Variants in ST6GALNAC3 observed in about 807,000 individuals in gnomAD.
ST6GALNAC3 encodes the protein ST6 N-acetylgalactosaminide alpha-2,6-sialyltransferase 3, also known as alpha-N-acetylgalactosaminide alpha-2,6-sialyltransferase 3.
In ST6GALNAC3, 25 loss-of-function variants were observed where a neutral mutation model predicts 32.7. The observed-to-expected ratio is 0.76, with a 90% CI of 0.56 to 1.07. The LOEUF (loss-of-function observed/expected upper bound fraction) is 1.07, where lower values mean the gene tolerates loss of function less well. ST6GALNAC3 is among the 50% of genes least tolerant of loss of function. The pLI is 0.00. For missense variants in ST6GALNAC3, 355 were observed against 382.4 expected (o/e 0.93, Z 0.60); for synonymous variants, 129 against 133.1 (o/e 0.97, Z 0.21).
At chr1:76,206,949 C>T (rs2100558772) in intron 1 of ST6GALNAC3, among the ~76,000 whole-genome samples, 1 of 152,220 alleles carries the variant, frequency 6.6e-6, no homozygotes, top group South Asian at 2.1e-4. Flanking sequence ...GTGTTTCCTT[C>T]CCTTGAGGAC....
chr1:76,406,316 A>G (rs1653829969), intron 2 of ST6GALNAC3, among the ~76,000 whole-genome samples: 1 of 151,972 alleles, frequency 6.6e-6, no homozygotes, highest in Non-Finnish European at 1.5e-5. Context: ...AGTCCTGGAG[A>G]CCAGTTTAGA....
At chr1:76,247,653 A>G (rs543409611) in intron 1 of ST6GALNAC3, among the ~76,000 whole-genome samples, 1 of 152,286 alleles carries the variant, frequency 6.6e-6, no homozygotes, top group East Asian at 1.9e-4. Context: ...AGCCTCAGTA[A>G]TGGCCGATGC....
intron 1 of ST6GALNAC3, among the ~76,000 whole-genome samples, chr1:76,261,859 G>A (rs556439462): frequency 6.6e-6 from 1 of 152,256 alleles, no homozygotes; most frequent in Admixed American, 6.5e-5. Context: ...GTTCTGAGCG[G>A]TATTTTTCGT....
chr1:76,290,376 A>G (rs750233051), intron 1 of ST6GALNAC3, among the ~76,000 whole-genome samples: 97 of 152,190 alleles, frequency 6.4e-4, no homozygotes, highest in Non-Finnish European at 9.4e-4. Context: ...TCCATAATAA[A>G]ACATTCAGAT....
At chr1:76,483,630 C>A (rs1260711396) in intron 3 of ST6GALNAC3, among the ~76,000 whole-genome samples, 1 of 151,970 alleles carries the variant, frequency 6.6e-6, no homozygotes. Flanking sequence ...AGCCCTTTTT[C>A]AGATAAGTAG....
intron 1 of ST6GALNAC3, among the ~76,000 whole-genome samples, chr1:76,301,501 T>C (rs568981809): frequency 2.0e-5 from 3 of 152,194 alleles, no homozygotes; most frequent in East Asian, 3.9e-4. Flanking sequence ...ATGCATATGC[T>C]TTATATTGTT....
intron 3 of ST6GALNAC3, among the ~76,000 whole-genome samples, chr1:76,490,136 C>G (rs1023041669): frequency 2.6e-5 from 4 of 152,038 alleles, no homozygotes; most frequent in African/African-American, 9.7e-5. Context: ...TCTCCTGACC[C>G]GAAAATAGCC....
intron 1 of ST6GALNAC3, among the ~76,000 whole-genome samples, chr1:76,241,637 T>C (rs574846844): frequency 4.6e-5 from 7 of 152,264 alleles, no homozygotes; most frequent in African/African-American, 1.7e-4. Context: ...TAGCAGTACC[T>C]GAAATGTGGA....
At chr1:76,412,489 C>G (rs369567015) in intron 3 of ST6GALNAC3, 72 bp downstream of exon 3, 4 of 1,422,202 alleles carry the variant, frequency 2.8e-6, no homozygotes. Context: ...ATTCCTTTTG[C>G]AGGATATAAA....
intron 2 of ST6GALNAC3, among the ~76,000 whole-genome samples, chr1:76,391,376 C>T (rs11162142): frequency 0.37 from 56,115 of 152,044 alleles, 11,480 homozygotes; most frequent in East Asian, 0.62. Context: ...ATGGAGATCA[C>T]CCCAGTTGGG....
chr1:76,566,593 T>C (rs1439353903), intron 3 of ST6GALNAC3, among the ~76,000 whole-genome samples: 3 of 151,488 alleles, frequency 2.0e-5, no homozygotes, highest in Non-Finnish European at 4.4e-5. Context: ...TTCCCTGCGC[T>C]ACCCAGTGTC....
chr1:76,599,717 C>CGT lies in ST6GALNAC3; in HGVS notation c.624-27690_624-27689dup, dbSNP rs5775354. The stretch of plus-strand genomic sequence containing the variant: ...TATTTTATTCCTCCCACTACCGTAT[C>CGT]GTGTGTGTGTGTGTGTGTGTGTGTG... On this transcript the variant is annotated intron_variant, in intron 3 of 4. Transcript: ENST00000328299. Among the ~76,000 whole-genome samples, 429 of 142,072 alleles carry CGT rather than the reference C, an allele frequency of 3.0e-3. 3 individuals carry two copies. The highest frequency in any genetic ancestry group is 8.2e-3 in the African/African-American group (319 of 38,818). 93.2% of individuals were successfully genotyped at this position (142,072 alleles called of 152,430 possible). A position where few individuals can be genotyped will look rare whatever the true frequency, so the allele number is the denominator to read the frequency against.
At chr1:76,554,247 C>T (rs1023667800) in intron 3 of ST6GALNAC3, among the ~76,000 whole-genome samples, 3 of 152,150 alleles carry the variant, frequency 2.0e-5, no homozygotes, top group African/African-American at 7.2e-5. Context: ...TTATGGCCTG[C>T]ATTTGCCAAC....
intron 3 of ST6GALNAC3, among the ~76,000 whole-genome samples, chr1:76,562,527 G>A (rs747449161): frequency 2.6e-4 from 39 of 152,090 alleles, no homozygotes; most frequent in Non-Finnish European, 4.0e-4. Flanking sequence ...CCACTTGAGC[G>A]CTACTGTCTC....
intron 2 of ST6GALNAC3, among the ~76,000 whole-genome samples, chr1:76,348,398 G>T (rs1336379638): frequency 6.6e-6 from 1 of 152,124 alleles, no homozygotes. Context: ...ATGTGGAAAA[G>T]GCAGCTGAGC....
At chr1:76,229,476 A>G (rs192969515) in intron 1 of ST6GALNAC3, among the ~76,000 whole-genome samples, 1 of 152,158 alleles carries the variant, frequency 6.6e-6, no homozygotes, top group Admixed American at 6.5e-5. Context: ...AAGCTTTCCC[A>G]CTTCTCTTCC....
chr1:76,102,109 T>C (rs1352379102), intron 1 of ST6GALNAC3, among the ~76,000 whole-genome samples: 1 of 152,164 alleles, frequency 6.6e-6, no homozygotes, highest in Non-Finnish European at 1.5e-5. Context: ...GACTGTAGAC[T>C]TGTCTTTTTC....
chr1:76,489,348 AC>A (rs1464698089), intron 3 of ST6GALNAC3, among the ~76,000 whole-genome samples: 1 of 152,034 alleles, frequency 6.6e-6, no homozygotes, highest in Non-Finnish European at 1.5e-5. Flanking sequence ...TTGAGTATGT[AC>A]TATGTGACAG....
chr1:76,250,753 G>A (rs903306771), intron 1 of ST6GALNAC3, among the ~76,000 whole-genome samples: 1 of 152,066 alleles, frequency 6.6e-6, no homozygotes, highest in African/African-American at 2.4e-5. Context: ...CTGTCGTGGT[G>A]CCTGCCCTGT....
Sources: gnomAD v4.1 joint callset for allele counts (sites outside exome capture counted in the v4.1 genomes callset) on GRCh38, gnomAD v4.1.1 for gene constraint, MANE v1.5 for transcripts, NCBI Gene and HGNC (gene_info 2026-07-23, HGNC 2026-07-21) for gene names.